Variants in ADAMTSL1 observed in about 807,000 individuals in gnomAD.
ADAMTSL1 encodes ADAMTS-like protein 1.
In ADAMTSL1, 126 loss-of-function variants were observed where a neutral mutation model predicts 201.8. The ratio of observed to expected loss-of-function variants is 0.62; its 90% CI spans 0.54 to 0.72. ADAMTSL1 has a LOEUF of 0.72. Among genes scored for constraint, ADAMTSL1 ranks in the 30% least tolerant of loss-of-function variants. ADAMTSL1 has a pLI of 0.00. For missense variants in ADAMTSL1, 2,679 were observed against 2,277.8 expected (o/e 1.18, Z -3.59); for synonymous variants, 1,121 against 903.4 (o/e 1.24, Z -4.32).
rs773591590 is a variant in ADAMTSL1 at position 18,066,156 on chromosome 9, C to T, written c.88-97706C>T. On this transcript the variant is annotated intron_variant, in intron 1 of 29. Transcript: ENST00000680146. ...CTTTCAAATAATCTTGCATAAATCC[C>T]GAAAACAATTTGAGTATTCTTAAAA... is the stretch of plus-strand genomic sequence containing the variant. Among the ~76,000 whole-genome samples, 4 of 151,954 alleles carry T rather than the reference C, an allele frequency of 2.6e-5. No individual in the cohort carries two copies. In the East Asian group the frequency reaches 5.8e-4, roughly 22 times the overall value.
At chr9:18,130,294 C>G (rs1825897727) in intron 1 of ADAMTSL1, among the ~76,000 whole-genome samples, 1 of 152,144 alleles carries the variant, frequency 6.6e-6, no homozygotes, top group Admixed American at 6.5e-5. Context: ...CTGGAAGAAA[C>G]TATTAAGAAT....
At chr9:18,056,407 A>T (rs750442524) in intron 1 of ADAMTSL1, among the ~76,000 whole-genome samples, 1 of 152,112 alleles carries the variant, frequency 6.6e-6, no homozygotes, top group Non-Finnish European at 1.5e-5. Context: ...TTATGGCTCA[A>T]CCGGGGCTCT....
Position 18,603,341 on chromosome 9 carries a change from A to ATATGCTATGCTATGC in ADAMTSL1, c.475-18838_475-18824dup, listed in dbSNP as rs5896789. Reference sequence around the variant, plus strand: ...TTTAGATCCATCTGTCTCCAAAGCTATATGCTATGCTATGCTATGCTATGC... The same window carrying ATATGCTATGCTATGC: ...TTTAGATCCATCTGTCTCCAAAGCTATATGCTATGCTATGCTATGCTATGCTATGCTATGCTATGC... On this transcript the variant is annotated intron_variant, in intron 4 of 28. Transcript: ENST00000380548. Among the ~76,000 whole-genome samples, 68 of 118,566 alleles carry ATATGCTATGCTATGC rather than the reference A, an allele frequency of 5.7e-4. 3 individuals carry two copies. The highest frequency in any genetic ancestry group is 1.5e-3 in the East Asian group (6 of 3,940). 77.8% of individuals were successfully genotyped at this position (118,566 alleles called of 152,430 possible). A position where few individuals can be genotyped will look rare whatever the true frequency, so the allele number is the denominator to read the frequency against.
chr9:18,896,275 A>G (rs1038146468), intron 26 of ADAMTSL1, among the ~76,000 whole-genome samples: 1 of 152,162 alleles, frequency 6.6e-6, no homozygotes, highest in Non-Finnish European at 1.5e-5. Flanking sequence ...CTAAGATTAA[A>G]ATCAGTCTTA....
intron 23 of ADAMTSL1, among the ~76,000 whole-genome samples, chr9:18,869,929 CTCAATTTTTTT>C (rs1827781632): frequency 6.6e-6 from 1 of 151,810 alleles, no homozygotes; most frequent in Non-Finnish European, 1.5e-5. Context: ...TATATTAGAC[CTCAATTTTTTT>C]TCAATTTTTT....
Position 17,930,527 on chromosome 9 carries a change from AG to A in ADAMTSL1, c.87+23607del, listed in dbSNP as rs1174124882. Reference sequence around the variant, plus strand: ...CTGGGAGGATAGCTGTGAGCTTAGGAGGTCACACAAACTGGTCTCTGGCACA... The same window carrying A: ...CTGGGAGGATAGCTGTGAGCTTAGGAGTCACACAAACTGGTCTCTGGCACA... On this transcript the variant is annotated intron_variant, in intron 1 of 29. Coordinates refer to the ADAMTSL1 transcript ENST00000680146. Among the ~76,000 whole-genome samples the A allele has an allele frequency of 1.3e-4, 20 of 152,234 alleles. No individual in the cohort carries two copies. In the South Asian group the frequency reaches 2.1e-3, roughly 16 times the overall value.
In ADAMTSL1 at chr9:18,813,211, G is replaced by A. The variant is rs1002720842; in HGVS notation, c.3806-3898G>A. On this transcript the variant is annotated intron_variant, in intron 20 of 28. Transcript: ENST00000380548. Reference sequence around the variant, plus strand: ...CAGTCTCTTGACCACATGATCCGCCGCCTCAGCCTCCCAAAGTGCTGGGAT... The same window carrying A: ...CAGTCTCTTGACCACATGATCCGCCACCTCAGCCTCCCAAAGTGCTGGGAT... 7.2e-5 allele frequency among the ~76,000 whole-genome samples: 11 copies of A among 152,020 alleles called. 1 individual carries two copies. The highest frequency in any genetic ancestry group is 1.9e-4 in the East Asian group (1 of 5,174).
chr9:18,124,120 G>A (rs1554701082), intron 1 of ADAMTSL1, among the ~76,000 whole-genome samples: 1 of 98,208 alleles, frequency 1.0e-5, no homozygotes, highest in Non-Finnish European at 1.8e-5. Context: ...TTTTTGCTCT[G>A]TCTCCAGTAT....
At chr9:18,191,254 T>C (rs7025815) in intron 2 of ADAMTSL1, among the ~76,000 whole-genome samples, 3,825 of 152,220 alleles carry the variant, frequency 0.025, 184 homozygotes, top group African/African-American at 0.087. Context: ...CCCCTGTTCC[T>C]ATGCACCCTC....
At chr9:18,429,536 A>T (rs899855703) in intron 2 of ADAMTSL1, among the ~76,000 whole-genome samples, 1 of 152,168 alleles carries the variant, frequency 6.6e-6, no homozygotes, top group African/African-American at 2.4e-5. Flanking sequence ...TGCTAATTAA[A>T]TTAAAGTCGA....
chr9:18,144,978 C>A (rs2132021084), intron 1 of ADAMTSL1, among the ~76,000 whole-genome samples: 1 of 152,244 alleles, frequency 6.6e-6, no homozygotes, highest in South Asian at 2.1e-4. Context: ...GATGCAAATG[C>A]ATAGATAATA....
intron 1 of ADAMTSL1, among the ~76,000 whole-genome samples, chr9:17,945,758 T>C (rs1376473478): frequency 3.6e-5 from 5 of 139,754 alleles, no homozygotes; most frequent in South Asian, 4.4e-4. Context: ...TAGGTGGGAA[T>C]TGAACAATGA....
At chr9:18,743,919 A>G (rs1047742277) in intron 15 of ADAMTSL1, among the ~76,000 whole-genome samples, 1 of 152,092 alleles carries the variant, frequency 6.6e-6, no homozygotes, top group African/African-American at 2.4e-5. Context: ...GACTTTGTCT[A>G]TTTCCCTCTC....
chr9:18,905,736 C>T (rs768898304), intron 26 of ADAMTSL1, 46 bp from the exon 27 acceptor site: 112 of 1,528,860 alleles, frequency 7.3e-5, no homozygotes, highest in Non-Finnish European at 9.6e-5. Flanking sequence ...GGCCTCCACC[C>T]TTGACTTGGC....
At chr9:18,878,249 C>T (rs182861048) in intron 23 of ADAMTSL1, among the ~76,000 whole-genome samples, 3 of 152,336 alleles carry the variant, frequency 2.0e-5, no homozygotes, top group African/African-American at 4.8e-5. Flanking sequence ...CCCCACCTGT[C>T]GTGGCTTCTG....
chr9:18,368,026 A>C (rs1586987672), intron 2 of ADAMTSL1, among the ~76,000 whole-genome samples: 1 of 151,308 alleles, frequency 6.6e-6, no homozygotes, highest in Middle Eastern at 3.4e-3. Flanking sequence ...CAGCCCCCTG[A>C]GTAGCTGGGA....
chr9:18,027,035 C>T (rs1259270293), intron 1 of ADAMTSL1, among the ~76,000 whole-genome samples: 2 of 150,266 alleles, frequency 1.3e-5, no homozygotes, highest in African/African-American at 4.9e-5. Flanking sequence ...TATTATATTT[C>T]TGTGGAATTG....
intron 2 of ADAMTSL1, among the ~76,000 whole-genome samples, chr9:18,202,759 A>G: frequency 6.6e-6 from 1 of 152,126 alleles, no homozygotes; most frequent in African/African-American, 2.4e-5. Context: ...GGAGGCCAGG[A>G]TAGTGTCTTC....
At chr9:18,010,413 A>G (rs1820004301) in intron 1 of ADAMTSL1, among the ~76,000 whole-genome samples, 1 of 152,058 alleles carries the variant, frequency 6.6e-6, no homozygotes, top group South Asian at 2.1e-4. Context: ...TATTTTATGG[A>G]AAAGGAACAC....
Sources: allele counts gnomAD v4.1 joint callset (sites outside exome capture counted in the v4.1 genomes callset), GRCh38; gene constraint gnomAD v4.1.1; transcripts MANE v1.5; gene names NCBI Gene and HGNC (gene_info 2026-07-23, HGNC 2026-07-21).